The following PIEZO1 variants were observed in gnomAD, a reference collection of about 807,000 sequenced individuals.
PIEZO1 encodes piezo type mechanosensitive ion channel component 1 (Er blood group), also known as piezo-type mechanosensitive ion channel component 1.
A neutral mutation model predicts 297.2 loss-of-function variants in PIEZO1; 296 were observed. The observed-to-expected ratio is 1.00, with a 90% CI of 0.91 to 1.10. The LOEUF (loss-of-function observed/expected upper bound fraction) is 1.10. Among genes scored for constraint, PIEZO1 ranks in the 50% least tolerant of loss-of-function variants. The pLI is 0.00. For missense variants in PIEZO1, 5,018 were observed against 3,455.5 expected, an observed-to-expected ratio of 1.45 and a Z score of -11.34; for synonymous variants, 2,427 against 1,507.5, an observed-to-expected ratio of 1.61 and a Z score of -14.13.
chr16:88,762,648 G>A (rs865776587), intron 1 of PIEZO1, among the ~76,000 whole-genome samples: 2 of 152,204 alleles, frequency 1.3e-5, no homozygotes, highest in African/African-American at 2.4e-5. Flanking sequence ...CGGGTCTCCC[G>A]GCAGCCCACA....
At chr16:88,747,802 G>A (rs112759862) in intron 2 of PIEZO1, among the ~76,000 whole-genome samples, 15,484 of 152,186 alleles carry the variant, frequency 0.1, 1,114 homozygotes, top group Non-Finnish European at 0.16. Context: ...CAGATGGGAC[G>A]AAGCCACAGG....
rs867324252 is a variant in PIEZO1, at chr16:88,715,794, G to A, written c.7377C>T (p.Phe2459=). ...LVIGKFVRGF[F]SEISHSIMFE... is the part of the protein sequence containing the mutation. ...ACATAATGGAGTGCGAGATCTCGCT[G>A]AAGAATCCGCGCACGAACTTGCCGA... Residue 2459 remains phenylalanine, a synonymous_variant, in exon 51 of 51, where the codon TTC becomes TTT. Coordinates refer to ENST00000301015, the MANE Select transcript of PIEZO1 (RefSeq NM_001142864.4). 2.3e-5 allele frequency: 35 copies of A among 1,550,238 alleles called. No individual in the cohort carries two copies. The African/African-American group carries it at 4.2e-4, about 19-fold the overall frequency.
chr16:88,760,079 G>GGCCCACCCCCCACGCCTA, intron 1 of PIEZO1, among the ~76,000 whole-genome samples: 1 of 151,530 alleles, frequency 6.6e-6, no homozygotes. Flanking sequence ...GTCCACGCCT[G>GGCCCACCCCCCACGCCTA]GCCCACCCTC....
At chr16:88,750,823 C>T (rs188317310) in intron 1 of PIEZO1, among the ~76,000 whole-genome samples, 5 of 152,322 alleles carry the variant, frequency 3.3e-5, no homozygotes, top group Non-Finnish European at 4.4e-5. Context: ...GCCTAAGGGG[C>T]GCCAGCAGCC....
rs552306481 is a variant in PIEZO1, at chr16:88,734,068, C to T, written c.2181-14G>A. On this transcript the variant is annotated splice_polypyrimidine_tract_variant and intron_variant, in intron 16 of 50. Transcript: ENST00000301015. ...ACTGCATCCTGCCTGGGAGAGGGTCCGAAAATGTCATCTCCCAACTGGGTT... is the reference window on the plus strand; with the variant it reads ...ACTGCATCCTGCCTGGGAGAGGGTCTGAAAATGTCATCTCCCAACTGGGTT... 2.3e-4 allele frequency: 340 copies of T among 1,492,934 alleles called. 2 individuals are homozygous for T. The Middle Eastern group carries it at 2.4e-3, about 11-fold the overall frequency. The allele number at this position is 1,492,934 out of a possible 1,614,324, so 92.5% of individuals were successfully genotyped here.
chr16:88,721,159 C>A lies in PIEZO1; in HGVS notation c.5668+7G>T. 6.7e-7 allele frequency: 1 copy of A among 1,494,444 alleles called. No homozygotes were observed. Among genetic ancestry groups the A allele is most frequent in the Non-Finnish European group, 8.9e-7 (1 of 1,123,168 alleles). The allele number at this position is 1,494,444 out of a possible 1,614,324, so 92.6% of individuals were successfully genotyped here. A position where few individuals can be genotyped will look rare whatever the true frequency, so the allele number is the denominator to read the frequency against. On this transcript the variant is annotated splice_region_variant and intron_variant, in intron 39 of 50. Coordinates refer to ENST00000301015, the MANE Select transcript of PIEZO1 (RefSeq NM_001142864.4). ...AGGCAGGAGGTTGTGAGGCAGGGCG[C>A]TTATACCGATGGCTGCCGCTCCTTT...
chr16:88,756,110 G>T (rs1325569741), intron 1 of PIEZO1, among the ~76,000 whole-genome samples: 2 of 152,182 alleles, frequency 1.3e-5, no homozygotes, highest in African/African-American at 4.8e-5. Context: ...ACCAGGCAGG[G>T]AAGTGGGGCT....
At chr16:88,767,626 C>G (rs939226858) in intron 1 of PIEZO1, among the ~76,000 whole-genome samples, 2 of 152,168 alleles carry the variant, frequency 1.3e-5, no homozygotes, top group Non-Finnish European at 2.9e-5. Flanking sequence ...GCAGGGGGAG[C>G]CCATGTCATC....
At chr16:88,753,997 G>A (rs193022686) in intron 1 of PIEZO1, among the ~76,000 whole-genome samples, 98 of 152,364 alleles carry the variant, frequency 6.4e-4, no homozygotes, top group Middle Eastern at 6.8e-3. Flanking sequence ...ATCAGGAGCT[G>A]CCCAGGCTGG....
At chr16:88,757,200 G>A (rs1437889951) in intron 1 of PIEZO1, among the ~76,000 whole-genome samples, 1 of 152,120 alleles carries the variant, frequency 6.6e-6, no homozygotes, top group Non-Finnish European at 1.5e-5. Context: ...TGGAGGCTGA[G>A]CCCTCGGAGC....
intron 44 of PIEZO1, chr16:88,718,344 C>G (rs1216362829): frequency 1.3e-5 from 2 of 152,814 alleles, no homozygotes; most frequent in African/African-American, 4.8e-5. Flanking sequence ...ATGATGGAAA[C>G]CACCACCAGC....
chr16:88,746,685 C>G (rs532488261), intron 2 of PIEZO1, among the ~76,000 whole-genome samples: 2 of 152,186 alleles, frequency 1.3e-5, no homozygotes, highest in Non-Finnish European at 2.9e-5. Flanking sequence ...GCAGCATCTC[C>G]GTCTCTGAAG....
Position 88,767,707 on chromosome 16 carries a change from A to G in PIEZO1, c.64+17194T>C, listed in dbSNP as rs1028513153. Among the ~76,000 whole-genome samples the G allele has an allele frequency of 2.0e-5, 3 of 152,290 alleles. No individual in the cohort carries two copies. The East Asian group carries it at 5.8e-4, about 29-fold the overall frequency. ...AGGAACCAGGGTCCCCAAAGGTCAC[A>G]GGGTGAGGCCACCCAGCCAGGGAGG... On this transcript the variant is annotated intron_variant, in intron 1 of 50. Coordinates refer to ENST00000301015, the MANE Select transcript of PIEZO1 (RefSeq NM_001142864.4).
At chr16:88,773,608 G>A (rs576044441) in intron 1 of PIEZO1, among the ~76,000 whole-genome samples, 4 of 152,338 alleles carry the variant, frequency 2.6e-5, no homozygotes, top group African/African-American at 7.2e-5. Context: ...AGGCTGACAG[G>A]CAGGTCGGGG....
At chr16:88,758,998 C>A (rs1234039779) in intron 1 of PIEZO1, among the ~76,000 whole-genome samples, 1 of 152,230 alleles carries the variant, frequency 6.6e-6, no homozygotes, top group Non-Finnish European at 1.5e-5. Context: ...GCTGTTGCGT[C>A]TGCTCCTGCA....
At chr16:88,766,904 G>C (rs1336991195) in intron 1 of PIEZO1, among the ~76,000 whole-genome samples, 1 of 152,220 alleles carries the variant, frequency 6.6e-6, no homozygotes, top group Non-Finnish European at 1.5e-5. Context: ...GTGGGCCTCA[G>C]TTTCCCCTTT....
chr16:88,782,855 A>C (rs1371466299), intron 1 of PIEZO1, among the ~76,000 whole-genome samples: 2 of 152,118 alleles, frequency 1.3e-5, no homozygotes, highest in Admixed American at 1.3e-4. Context: ...GCAGGCAGGC[A>C]GGCAGGGTTC....
rs539650733 is a variant in PIEZO1 at position 88,769,951 on chromosome 16, G to A, written c.64+14950C>T. On this transcript the variant is annotated intron_variant, in intron 1 of 50. Transcript: ENST00000301015. ...CACCCCTTCCAATGCCACATGGCGG[G>A]GCAGCAGGGGGCTCTGAGGCCCTCC... Among the ~76,000 whole-genome samples, 85 of 152,318 alleles carry A rather than the reference G, an allele frequency of 5.6e-4. 2 individuals are homozygous for A. In the South Asian group the frequency reaches 0.013, roughly 24 times the overall value.
rs1211870410 is a variant in PIEZO1, at chr16:88,717,095, C to G, written c.6588G>C (p.Leu2196=). 5.2e-6 allele frequency: 8 copies of G among 1,551,158 alleles called. No homozygotes were observed. The highest frequency in any genetic ancestry group is 7.0e-6 in the Non-Finnish European group (8 of 1,147,158). Residue 2196 remains leucine, a synonymous_variant, in exon 45 of 51, where the codon CTG becomes CTC. Transcript: ENST00000301015. ...TGACAACCCCAACCACGGAGCGCAC[C>G]AGCGACATGAAGAGCAGTGGGAACC... is the stretch of plus-strand genomic sequence containing the variant. ...IIWFPLLFMS[L]VRSVVGVVNQ...
Sources: gnomAD v4.1 joint callset for allele counts (sites outside exome capture counted in the v4.1 genomes callset) on GRCh38, gnomAD v4.1.1 for gene constraint, MANE v1.5 for transcripts, NCBI Gene and HGNC (gene_info 2026-07-23, HGNC 2026-07-21) for gene names.